Variants in ITFG2 observed in about 807,000 individuals in gnomAD.
The protein encoded by ITFG2 is integrin alpha FG-GAP repeat containing 2, also known as KICSTOR complex protein ITFG2.
ITFG2 carries 36 observed loss-of-function variants against 54.4 expected under a neutral mutation model. That is an observed-to-expected ratio of 0.66 (90% CI 0.51 to 0.87). The LOEUF (loss-of-function observed/expected upper bound fraction) is 0.87, where lower values mean the gene tolerates loss of function less well. Ranked by LOEUF, ITFG2 falls within the 40% of genes least tolerant of loss-of-function variation. The pLI, the probability that ITFG2 is intolerant of heterozygous loss-of-function variation, is 0.00. For synonymous variants in ITFG2, 211 were observed against 225.4 expected, an observed-to-expected ratio of 0.94 and a Z score of 0.57; for missense variants, 524 against 576.7, an observed-to-expected ratio of 0.91 and a Z score of 0.94.
downstream of ITFG2, among the ~76,000 whole-genome samples, chr12:2,831,069 G>C (rs2098000223): frequency 6.7e-6 from 1 of 149,432 alleles, no homozygotes; most frequent in South Asian, 2.1e-4. Context: ...CCCATAGATT[G>C]CTCAGCAGTG....
chr12:2,820,771 G>T lies in ITFG2; in HGVS notation c.594G>T (p.Leu198=), dbSNP rs759924227. The change falls in exon 6 of 12, where the codon CTG becomes CTT. Residue 198 remains leucine, a synonymous_variant. Transcript: ENST00000228799. ...VTLGPLGLPE[L]MVSQPGCAYA... ...TGGGGCCACTGGGTCTTCCTGAACT[G>T]ATGGTGTCTCAGCCAGGTTGTGCGT... 9 of 1,614,006 alleles carry T rather than the reference G, an allele frequency of 5.6e-6. No homozygotes were observed. The South Asian group carries it at 9.9e-5, about 18-fold the overall frequency.
chr12:2,851,699 G>T (rs1249245069), intron 2 of ITFG2, among the ~76,000 whole-genome samples: 9 of 151,290 alleles, frequency 5.9e-5, no homozygotes, highest in Admixed American at 5.9e-4. Context: ...TTTTTCCCAA[G>T]ATGTAGTCTT....
At position 2,818,320 on chromosome 12, in the gene ITFG2, C is replaced by T. The variant is rs1212905782; in HGVS notation, c.406+43C>T. 3 of 1,603,888 alleles carry T rather than the reference C, an allele frequency of 1.9e-6. No individual in the cohort carries two copies. The African/African-American group carries it at 4.0e-5, about 21-fold the overall frequency. Reference sequence around the variant, plus strand: ...TGCAGGCAGCCAGGAGAGTAGGAGTCAGTGGATACTAGAGCATATCCCAAG... The same window carrying T: ...TGCAGGCAGCCAGGAGAGTAGGAGTTAGTGGATACTAGAGCATATCCCAAG... On this transcript the variant is annotated intron_variant, in intron 4 of 11. Transcript: ENST00000228799.
downstream of ITFG2, chr12:2,827,080 G>T (rs2097970939): frequency 1.3e-6 from 2 of 1,524,918 alleles, no homozygotes; most frequent in Non-Finnish European, 1.7e-6. This position sits in a 1 kb window ranked among gnomAD's most constrained non-coding sequence, Gnocchi z 4.0. Flanking sequence ...GACAGCAGGG[G>T]TCAGGGAGGT....
chr12:2,844,133 T>C (rs1467934376), intron 2 of ITFG2, among the ~76,000 whole-genome samples: 2 of 128,078 alleles, frequency 1.6e-5, no homozygotes, highest in African/African-American at 6.4e-5. Context: ...TGGCACACGC[T>C]TGTGGTCCCA....
At chr12:2,835,850 G>C (rs1378329725), upstream of ITFG2, among the ~76,000 whole-genome samples, 2 of 152,126 alleles carry the variant, frequency 1.3e-5, no homozygotes, top group Non-Finnish European at 2.9e-5. Flanking sequence ...TGCATTCTAA[G>C]CAATATGTCG....
At chr12:2,827,617 T>C (rs1355269263), downstream of ITFG2, 1 of 1,614,158 alleles carries the variant, frequency 6.2e-7, no homozygotes, top group Admixed American at 1.7e-5. This position sits in a 1 kb window ranked among gnomAD's most constrained non-coding sequence, Gnocchi z 4.0. Context: ...CCTGAGTGGG[T>C]GCCTTACCTT....
At chr12:2,853,607 G>GTTTTTTT (rs569055360) in intron 2 of ITFG2, among the ~76,000 whole-genome samples, 1 of 145,416 alleles carries the variant, frequency 6.9e-6, no homozygotes, top group African/African-American at 2.6e-5. Flanking sequence ...TTTTGTTTTT[G>GTTTTTTT]TTTTTGTTTT....
chr12:2,846,398 A>C (rs1421466400), intron 2 of ITFG2, among the ~76,000 whole-genome samples: 1 of 152,078 alleles, frequency 6.6e-6, no homozygotes, highest in East Asian at 1.9e-4. Flanking sequence ...AACCATGCCC[A>C]GGGCCTCTCG....
At chr12:2,830,070 C>CT (rs1439451052), downstream of ITFG2, 5 of 151,838 alleles carry the variant, frequency 3.3e-5, no homozygotes, top group African/African-American at 1.2e-4. Context: ...GAGCGAGACT[C>CT]TGTCTCAAAA....
At chr12:2,821,439 C>G in intron 7 of ITFG2, 80 bp downstream of exon 7, 2 of 1,553,542 alleles carry the variant, frequency 1.3e-6, no homozygotes. Flanking sequence ...TAGCTTTCCC[C>G]TCATTTCGAG....
In ITFG2 at chr12:2,823,908, C is replaced by A. The variant is rs746247783; in HGVS notation, c.1205C>A (p.Pro402Gln). The change falls in exon 11 of 12, where the codon CCG (proline) becomes CAG (glutamine). Residue 402 changes from proline (P) to glutamine (Q), a missense_variant. Transcript: ENST00000228799. ...TNLVKLLETK[P>Q]EYHSLLQELG... ...CTGGTGAAACTGCTGGAGACCAAGC[C>A]GGAGTACCACAGCCTGCTGCAGGAG... The A allele has an allele frequency of 6.2e-7, 1 of 1,613,280 alleles. No individual in the cohort carries two copies. The highest frequency in any genetic ancestry group is 1.7e-5 in the Admixed American group (1 of 59,956).
At position 2,818,217 on chromosome 12, in the gene ITFG2, C is replaced by T. The variant is rs767298903; in HGVS notation, c.346C>T (p.Arg116Cys). The change falls in exon 4 of 12, where the codon CGT becomes TGT. Residue 116 changes from arginine to cysteine, a missense_variant. Arg to Cys is a radical substitution (Grantham distance 180). Coordinates refer to ENST00000228799, the MANE Select transcript of ITFG2 (RefSeq NM_018463.4). ...HHETLIGEEQ[R>C]PVFKQHIPAN... ...CGAGACACTAATCGGAGAGGAGCAG[C>T]GTCCAGTCTTCAAGCAGCACATCCC... is the stretch of plus-strand genomic sequence containing the variant. 21 of 1,613,866 alleles carry T rather than the reference C, an allele frequency of 1.3e-5. No homozygotes were observed. The highest frequency in any genetic ancestry group is 5.5e-5 in the South Asian group (5 of 91,090).
intron 1 of ITFG2, among the ~76,000 whole-genome samples, chr12:2,815,047 C>T (rs1302314865): frequency 6.6e-6 from 1 of 151,628 alleles, no homozygotes; most frequent in Non-Finnish European, 1.5e-5. Context: ...AATCTCGGCT[C>T]ACTGCAACCT....
intron 9 of ITFG2, 125 bp downstream of exon 9, chr12:2,821,917 CTTT>C: frequency 4.5e-6 from 2 of 446,020 alleles, no homozygotes; most frequent in Non-Finnish European, 7.7e-6. Flanking sequence ...GTCTCTGTCT[CTTT>C]TTTTTTTTTC....
chr12:2,846,539 C>T (rs1331487977), intron 2 of ITFG2, among the ~76,000 whole-genome samples: 2 of 152,072 alleles, frequency 1.3e-5, no homozygotes, highest in East Asian at 1.9e-4. Context: ...CACTTCTCGA[C>T]GGGCTTCACT....
At chr12:2,827,558 T>C, downstream of ITFG2, 1 of 1,611,982 alleles carries the variant, frequency 6.2e-7, no homozygotes, top group Non-Finnish European at 8.5e-7. This position sits in a 1 kb window ranked among gnomAD's most constrained non-coding sequence, Gnocchi z 4.0. Flanking sequence ...CTGGTCCAGG[T>C]TCCACACCTG....
chr12:2,834,563 G>C (rs762354643), upstream of ITFG2: 86 of 1,508,712 alleles, frequency 5.7e-5, no homozygotes, highest in Non-Finnish European at 7.2e-5. Context: ...TGCACTTTCT[G>C]GTCCTGCCTC....
At chr12:2,829,806 G>T (rs974689442), downstream of ITFG2, among the ~76,000 whole-genome samples, 1 of 150,738 alleles carries the variant, frequency 6.6e-6, no homozygotes, top group Non-Finnish European at 1.5e-5. Flanking sequence ...CGAGGGGTGC[G>T]GTGGCTCACG....
Sources: gnomAD v4.1 joint callset for allele counts (sites outside exome capture counted in the v4.1 genomes callset) on GRCh38, gnomAD v4.1.1 for gene constraint, Gnocchi (gnomAD v3.1) non-coding constraint, MANE v1.5 for transcripts, NCBI Gene and HGNC (gene_info 2026-07-23, HGNC 2026-07-21) for gene names.